FNTA: variants seen among roughly 807,000 people sequenced by gnomAD.
FNTA encodes protein farnesyltransferase/geranylgeranyltransferase type-1 subunit alpha.
A neutral mutation model predicts 55.2 loss-of-function variants in FNTA; 27 were observed. That is an observed-to-expected ratio of 0.49 (90% confidence interval 0.36 to 0.67). The LOEUF (loss-of-function observed/expected upper bound fraction) is 0.67, where lower values mean the gene tolerates loss of function less well. FNTA is among the 30% of genes least tolerant of loss of function. The pLI is 0.00. For synonymous variants in FNTA, 176 were observed against 170.7 expected (o/e 1.03, Z -0.24); for missense variants, 422 against 464.7 (o/e 0.91, Z 0.85).
At chr8:43,067,615 G>C (rs1488795522) in intron 3 of FNTA, among the ~76,000 whole-genome samples, 4 of 151,472 alleles carry the variant, frequency 2.6e-5, no homozygotes, top group African/African-American at 7.3e-5. Flanking sequence ...TAAAAGCCAA[G>C]GGCTTATATT....
At chr8:43,062,952 G>GT (rs754224283) in intron 2 of FNTA, among the ~76,000 whole-genome samples, 2 of 151,976 alleles carry the variant, frequency 1.3e-5, no homozygotes, top group Non-Finnish European at 2.9e-5. Context: ...ACCCCTTTCT[G>GT]TTTTTTTCTT....
At chr8:43,060,462 G>A (rs1435731124) in intron 2 of FNTA, among the ~76,000 whole-genome samples, 5 of 152,068 alleles carry the variant, frequency 3.3e-5, no homozygotes, top group African/African-American at 1.2e-4. Context: ...ATCACCTAAG[G>A]TTAGGAGTTT....
At chr8:43,076,396 C>T (rs113611838) in intron 5 of FNTA, among the ~76,000 whole-genome samples, 2,174 of 152,186 alleles carry the variant, frequency 0.014, 50 homozygotes, top group African/African-American at 0.051. Flanking sequence ...CTGCTGGTCT[C>T]GAACTCCTGG....
Position 43,059,221 on chromosome 8 carries a change from G to T in FNTA, c.286+44G>T, listed in dbSNP as rs750679975. On this transcript the variant is annotated intron_variant, in intron 2 of 8. Transcript: ENST00000302279. ...GGAAAAGGTCTGTAAGTTAAATATA[G>T]TAGCAGAATTGGAATTCACAACTAT... is the stretch of plus-strand genomic sequence containing the variant. 5.8e-6 allele frequency: 8 copies of T among 1,370,720 alleles called. No homozygotes were observed. The East Asian group carries it at 1.9e-4, about 32-fold the overall frequency. 84.9% of individuals were successfully genotyped at this position (1,370,720 alleles called of 1,614,324 possible). A position where few individuals can be genotyped will look rare whatever the true frequency, so the allele number is the denominator to read the frequency against.
At chr8:43,065,125 T>C (rs954758600) in intron 3 of FNTA, among the ~76,000 whole-genome samples, 1 of 152,136 alleles carries the variant, frequency 6.6e-6, no homozygotes, top group African/African-American at 2.4e-5. Context: ...TGAACCACCG[T>C]GCCTGGCTTA....
Position 43,069,580 on chromosome 8 carries a change from T to G in FNTA, c.427T>G (p.Ser143Ala). ...GCATTTCCGGAGAGTTCTTTTGAAGTCACTTCAGAAGGATCTACATGAGGA... is the reference window on the plus strand; with the variant it reads ...GCATTTCCGGAGAGTTCTTTTGAAGGCACTTCAGAAGGATCTACATGAGGA... ...VWHFRRVLLKSLQKDLHEEMN... is the reference protein window; with the variant it reads ...VWHFRRVLLKALQKDLHEEMN... Residue 143 changes from serine (S) to alanine (A), a missense_variant, in exon 4 of 9, where the codon TCA becomes GCA. Ser to Ala is a moderately conservative substitution (Grantham distance 99). This residue lies in a region of FNTA where 262 missense variants were observed against 343.1 expected (regional missense o/e 0.76). Coordinates refer to ENST00000302279, the MANE Select transcript of FNTA (RefSeq NM_002027.3). 1.2e-6 allele frequency: 2 copies of G among 1,613,174 alleles called. No individual in the cohort carries two copies. The highest frequency in any genetic ancestry group is 1.7e-6 in the Non-Finnish European group (2 of 1,179,276).
At position 43,085,163 on chromosome 8, in the gene FNTA, T is replaced by A; in HGVS notation, c.1021T>A (p.Cys341Ser). Residue 341 changes from cysteine (C) to serine (S), a missense_variant, in exon 9 of 9, where the codon TGT (cysteine) becomes AGT (serine). Cys to Ser is a moderately radical substitution (Grantham distance 112). Transcript: ENST00000302279. Reference sequence around the variant, plus strand: ...AATTTTTATTTTTCATTTTCAGTTATGTGAAATCCTAGCTAAAGAAAAGGA... The same window carrying A: ...AATTTTTATTTTTCATTTTCAGTTAAGTGAAATCCTAGCTAAAGAAAAGGA... The part of the protein sequence containing the change: ...EDILNKALEL[C>S]EILAKEKDTI... The A allele has an allele frequency of 6.5e-7, 1 of 1,533,568 alleles. No homozygotes were observed. Among genetic ancestry groups the A allele is most frequent in the Middle Eastern group, 2.0e-4 (1 of 5,036 alleles). 95.0% of individuals were successfully genotyped at this position (1,533,568 alleles called of 1,614,324 possible). A position where few individuals can be genotyped will look rare whatever the true frequency, so the allele number is the denominator to read the frequency against.
chr8:43,074,570 C>T (rs1810867112), intron 5 of FNTA, among the ~76,000 whole-genome samples: 1 of 147,644 alleles, frequency 6.8e-6, no homozygotes, highest in Non-Finnish European at 1.5e-5. Flanking sequence ...CACACACACA[C>T]TACTACTCAC....
intron 5 of FNTA, among the ~76,000 whole-genome samples, chr8:43,074,849 C>T (rs563588110): frequency 6.6e-6 from 1 of 152,236 alleles, no homozygotes; most frequent in Non-Finnish European, 1.5e-5. Context: ...TTATACTATA[C>T]ATGGGATTAA....
intron 5 of FNTA, among the ~76,000 whole-genome samples, chr8:43,074,035 TTTAGTTTTAAACG>T (rs1023823249): frequency 1.1e-4 from 16 of 152,308 alleles, no homozygotes; most frequent in Non-Finnish European, 1.9e-4. Flanking sequence ...GTGGTAAAAT[TTTAGTTTTAAACG>T]TTAGTTTTAA....
At chr8:43,085,046 T>C (rs1811098831) in intron 8 of FNTA, 114 bp from the exon 9 acceptor site, 1 of 1,139,902 alleles carries the variant, frequency 8.8e-7, no homozygotes, top group African/African-American at 1.6e-5. Flanking sequence ...AGCCGGTGAC[T>C]CTTAATAGTG....
chr8:43,060,675 C>CAAAAAAA (rs202205706), intron 2 of FNTA, among the ~76,000 whole-genome samples: 1 of 141,132 alleles, frequency 7.1e-6, no homozygotes, highest in African/African-American at 2.8e-5. Context: ...AACTCTGTCT[C>CAAAAAAA]AAAAAAAAAA....
intron 1 of FNTA, chr8:43,057,291 T>TA (rs1810431329): frequency 6.6e-6 from 1 of 152,268 alleles, no homozygotes; most frequent in Non-Finnish European, 1.5e-5. Context: ...CCTTAGGTCT[T>TA]ACTTCTGTAG....
chr8:43,066,493 T>A (rs1810662703), intron 3 of FNTA, among the ~76,000 whole-genome samples: 1 of 146,478 alleles, frequency 6.8e-6, no homozygotes, highest in Non-Finnish European at 1.5e-5. Flanking sequence ...TCTCCTGACC[T>A]CGTGATCCGC....
At chr8:43,060,335 C>A (rs1472041034) in intron 2 of FNTA, among the ~76,000 whole-genome samples, 1 of 152,104 alleles carries the variant, frequency 6.6e-6, no homozygotes, top group African/African-American at 2.4e-5. Flanking sequence ...CTAATATAAT[C>A]ATATGTTTCC....
At chr8:43,072,721 T>C (rs7010367) in intron 5 of FNTA, among the ~76,000 whole-genome samples, 12,850 of 152,074 alleles carry the variant, frequency 0.084, 1,336 homozygotes, top group African/African-American at 0.25. Context: ...AGTGAGACCC[T>C]ATCTATTTTA....
rs1757567367 is a variant in FNTA at position 43,082,844 on chromosome 8, A to G, written c.783-274A>G. 4 of 207,456 alleles carry G rather than the reference A, an allele frequency of 1.9e-5. No homozygotes were observed. The South Asian group carries it at 3.1e-4, about 16-fold the overall frequency. The allele number at this position is 207,456 out of a possible 1,614,324, so 12.9% of individuals were successfully genotyped here. A position where few individuals can be genotyped will look rare whatever the true frequency, so the allele number is the denominator to read the frequency against. On this transcript the variant is annotated intron_variant, in intron 6 of 8. Coordinates refer to ENST00000302279, the MANE Select transcript of FNTA (RefSeq NM_002027.3). ...AGGCGGATCACAAGGTCAGGAGTTC[A>G]AGACCAGTCTGGCCAATATGGTGAA...
chr8:43,079,919 G>A (rs1810990506), intron 6 of FNTA: 1 of 154,232 alleles, frequency 6.5e-6, no homozygotes. Context: ...GAGGAAGAAG[G>A]AACTGCTGCT....
intron 2 of FNTA, among the ~76,000 whole-genome samples, chr8:43,061,382 G>GTGCC (rs1223909115): frequency 6.6e-6 from 1 of 152,176 alleles, no homozygotes; most frequent in East Asian, 1.9e-4. Context: ...TAACTCCTAT[G>GTGCC]TGCCTCTGTT....
Sources: gnomAD v4.1 joint callset for allele counts (sites outside exome capture counted in the v4.1 genomes callset) on GRCh38, gnomAD v4.1.1 for gene constraint, gnomAD v4.1.1 regional missense constraint, MANE v1.5 for transcripts, NCBI Gene and HGNC (gene_info 2026-07-23, HGNC 2026-07-21) for gene names.